Variants in ZFHX3 observed in about 807,000 individuals in gnomAD.
The protein encoded by ZFHX3 is zinc finger homeobox protein 3.
ZFHX3 carries 42 observed loss-of-function variants against 279.1 expected under a neutral mutation model. That is an observed-to-expected ratio of 0.15 (90% CI 0.12 to 0.19). The LOEUF is 0.19. ZFHX3 is among the 10% of genes least tolerant of loss of function. ZFHX3 has a pLI of 1.00. For synonymous variants in ZFHX3, 2,293 were observed against 1,957.8 expected, an observed-to-expected ratio of 1.17 and a Z score of -4.52; for missense variants, 4,981 against 4,754.0, an observed-to-expected ratio of 1.05 and a Z score of -1.40.
At chr16:73,384,617 T>C (rs2143377762) in intron 3 of ZFHX3, among the ~76,000 whole-genome samples, 1 of 152,320 alleles carries the variant, frequency 6.6e-6, no homozygotes, top group African/African-American at 2.4e-5. Context: ...TCAAAGAAAG[T>C]CTTGGACATC....
intron 8 of ZFHX3, among the ~76,000 whole-genome samples, chr16:73,079,549 G>A (rs993609529): frequency 1.1e-4 from 17 of 152,110 alleles, no homozygotes; most frequent in African/African-American, 3.9e-4. Context: ...ATGTGGCCCA[G>A]GCTGTTCTTC....
chr16:73,870,782 C>G (rs1962142076), intron 1 of ZFHX3, among the ~76,000 whole-genome samples: 3 of 152,182 alleles, frequency 2.0e-5, no homozygotes, highest in African/African-American at 7.2e-5. Context: ...TTAGCTATAT[C>G]TGAGCACGAA....
chr16:73,559,622 G>A (rs2020340371), intron 2 of ZFHX3, among the ~76,000 whole-genome samples: 1 of 152,146 alleles, frequency 6.6e-6, no homozygotes, highest in South Asian at 2.1e-4. Context: ...TCTCTGATGG[G>A]TATCTGCCCT....
intron 3 of ZFHX3, among the ~76,000 whole-genome samples, chr16:73,415,986 G>T (rs1039556197): frequency 6.6e-6 from 1 of 152,154 alleles, no homozygotes; most frequent in African/African-American, 2.4e-5. Flanking sequence ...TGAGTGAGGT[G>T]ATGGGCACCT....
Position 73,223,682 on chromosome 16 carries a change from C to A in ZFHX3, c.-1104+33365G>T, listed in dbSNP as rs573424452. 7.9e-5 allele frequency among the ~76,000 whole-genome samples: 12 copies of A among 152,244 alleles called. No individual in the cohort carries two copies. The South Asian group carries it at 2.3e-3, about 29-fold the overall frequency. ...AATTAAACATACTCTTCCACATGAT[C>A]CAGAAACTATTCTCCTTAGTATTTA... On this transcript the variant is annotated intron_variant, in intron 5 of 17. Transcript: ENST00000641206.
chr16:73,371,276 C>G (rs189760682), intron 3 of ZFHX3, among the ~76,000 whole-genome samples: 1 of 151,850 alleles, frequency 6.6e-6, no homozygotes, highest in African/African-American at 2.4e-5. Flanking sequence ...CACTGCACTC[C>G]GGCCTGGGCA....
intron 1 of ZFHX3, among the ~76,000 whole-genome samples, chr16:73,735,093 T>C (rs1415643167): frequency 6.6e-6 from 1 of 152,294 alleles, no homozygotes; most frequent in East Asian, 1.9e-4. Context: ...ACGTTAGGTA[T>C]ACAGTTCAGA....
At chr16:73,397,167 A>G (rs908947287) in intron 3 of ZFHX3, among the ~76,000 whole-genome samples, 12 of 152,224 alleles carry the variant, frequency 7.9e-5, no homozygotes, top group African/African-American at 2.9e-4. Flanking sequence ...CATAATCTAG[A>G]CAGACAGTAA....
intron 2 of ZFHX3, among the ~76,000 whole-genome samples, chr16:73,611,239 C>A (rs567881027): frequency 9.3e-4 from 141 of 152,206 alleles, no homozygotes; most frequent in African/African-American, 2.7e-3. Flanking sequence ...ATTCAACAAA[C>A]CTTTCCTCAA....
chr16:73,532,080 C>A (rs1597371824), intron 2 of ZFHX3, among the ~76,000 whole-genome samples: 1 of 151,842 alleles, frequency 6.6e-6, no homozygotes, highest in Non-Finnish European at 1.5e-5. Flanking sequence ...AGAGTGAGAC[C>A]CTGTCTCTAA....
chr16:73,783,688 C>T (rs1181748839), intron 1 of ZFHX3, among the ~76,000 whole-genome samples: 2 of 152,200 alleles, frequency 1.3e-5, no homozygotes, highest in African/African-American at 4.8e-5. Flanking sequence ...CCACAGCTAA[C>T]ACTATGTACC....
chr16:73,741,720 C>CT (rs1163965758), intron 1 of ZFHX3, among the ~76,000 whole-genome samples: 1 of 152,098 alleles, frequency 6.6e-6, no homozygotes, highest in Non-Finnish European at 1.5e-5. Context: ...CTTTTATATC[C>CT]TTTTTTATTC....
chr16:72,794,509 C>A lies in ZFHX3; in HGVS notation c.8173G>T (p.Ala2725Ser), dbSNP rs2035830640. The change falls in exon 9 of 10, where the codon GCT (alanine) becomes TCT (serine). Residue 2725 changes from alanine (A) to serine (S), a missense_variant. Physicochemically the swap from Ala to Ser is moderately conservative, Grantham distance 99. This residue lies in a region of ZFHX3 where 744 missense variants were observed against 701.3 expected (regional missense o/e 1.06). Coordinates refer to ENST00000268489, the MANE Select transcript of ZFHX3 (RefSeq NM_006885.4). This position sits in a 1 kb window ranked among gnomAD's most constrained non-coding sequence, Gnocchi z 4.2. ...FCRALFKAKT[A>S]LEAHIRSRHW... ...CGGGACCGGATATGAGCCTCAAGAG[C>A]AGTCTTGGCTTTGAAGAGCGCTCTG... 2 of 1,614,186 alleles carry A rather than the reference C, an allele frequency of 1.2e-6. No homozygotes were observed. The highest frequency in any genetic ancestry group is 1.7e-6 in the Non-Finnish European group (2 of 1,180,040).
Position 73,741,188 on chromosome 16 carries a change from G to A in ZFHX3, c.-1607-60948C>T, listed in dbSNP as rs562455637. Among the ~76,000 whole-genome samples the A allele has an allele frequency of 7.2e-4, 109 of 151,982 alleles. 1 individual carries two copies. Among genetic ancestry groups the A allele is most frequent in the African/African-American group, 1.9e-3 (78 of 41,456 alleles). On this transcript the variant is annotated intron_variant, in intron 1 of 17. Coordinates refer to the ZFHX3 transcript ENST00000641206. ...TGGGATTACAGGCGCCTGCCACGAC[G>A]CCCAGCTAATTTTTGTAAAAAATGG...
chr16:73,172,090 C>T (rs1349563505), intron 5 of ZFHX3, among the ~76,000 whole-genome samples: 2 of 152,224 alleles, frequency 1.3e-5, no homozygotes, highest in Non-Finnish European at 2.9e-5. Context: ...CCTCCACCCG[C>T]CTGCCGGGTC....
intron 2 of ZFHX3, among the ~76,000 whole-genome samples, chr16:73,615,524 G>A (rs1364521465): frequency 1.3e-5 from 2 of 152,168 alleles, no homozygotes; most frequent in African/African-American, 4.8e-5. Flanking sequence ...AAGTGACTTG[G>A]GATCCAGTGC....
At chr16:73,721,813 G>C (rs112357443) in intron 1 of ZFHX3, among the ~76,000 whole-genome samples, 1 of 152,146 alleles carries the variant, frequency 6.6e-6, no homozygotes, top group Non-Finnish European at 1.5e-5. Flanking sequence ...GGGAGGCTGA[G>C]ACAGGCAGAT....
intron 2 of ZFHX3, among the ~76,000 whole-genome samples, chr16:73,611,593 T>C (rs1163478356): frequency 6.6e-6 from 1 of 152,178 alleles, no homozygotes; most frequent in African/African-American, 2.4e-5. Context: ...CCACATACTC[T>C]TCTGTGATTG....
chr16:72,958,547 G>T lies in ZFHX3; in HGVS notation c.1599C>A (p.Ser533=). Residue 533 remains serine (S), a synonymous_variant, in exon 2 of 10, where the codon TCC becomes TCA. Transcript: ENST00000268489. ...LALSNQSISN[S]PLMPNVLQTL... ...TCTGGAGCACGTTAGGCATTAAGGGGGAGTTAGAAATGCTTTGGTTTGAGA... is the reference window on the plus strand; with the variant it reads ...TCTGGAGCACGTTAGGCATTAAGGGTGAGTTAGAAATGCTTTGGTTTGAGA... 2 of 1,614,088 alleles carry T rather than the reference G, an allele frequency of 1.2e-6. No homozygotes were observed. Among genetic ancestry groups the T allele is most frequent in the South Asian group, 1.1e-5 (1 of 91,066 alleles).
Sources: allele counts gnomAD v4.1 joint callset (sites outside exome capture counted in the v4.1 genomes callset), GRCh38; gene constraint gnomAD v4.1.1; regional missense constraint gnomAD v4.1.1; non-coding constraint Gnocchi (gnomAD v3.1); transcripts MANE v1.5; gene names NCBI Gene and HGNC (gene_info 2026-07-23, HGNC 2026-07-21).